Variants in DDAH1 observed in about 807,000 individuals in gnomAD.
The protein encoded by DDAH1 is dimethylarginine dimethylaminohydrolase 1, also known as N(G),N(G)-dimethylarginine dimethylaminohydrolase 1.
In DDAH1, 19 loss-of-function variants were observed where a neutral mutation model predicts 28.8. The ratio of observed to expected loss-of-function variants is 0.66; its 90% CI spans 0.46 to 0.97. The LOEUF is 0.97. Among genes scored for constraint, DDAH1 ranks in the 50% least tolerant of loss-of-function variants. The probability of loss-of-function intolerance (pLI) is 0.00; values close to 1 mark genes in which losing one functional copy is unlikely to be tolerated. For missense variants in DDAH1, 326 were observed against 375.9 expected (o/e 0.87, Z 1.10); for synonymous variants, 153 against 154.4 (o/e 0.99, Z 0.07).
intron 4 of DDAH1, among the ~76,000 whole-genome samples, chr1:85,330,465 T>C (rs1316696017): frequency 6.6e-6 from 1 of 152,190 alleles, no homozygotes; most frequent in African/African-American, 2.4e-5. Context: ...CTGTATGTAG[T>C]GTTTTTCCAA....
intron 1 of DDAH1, among the ~76,000 whole-genome samples, chr1:85,402,637 G>T (rs552249625): frequency 3.6e-4 from 55 of 152,180 alleles, no homozygotes; most frequent in Non-Finnish European, 6.9e-4. Flanking sequence ...CTGGCCGGAC[G>T]CGGTGGTTCA....
intron 1 of DDAH1, among the ~76,000 whole-genome samples, chr1:85,513,528 G>A (rs919824527): frequency 3.3e-5 from 5 of 152,190 alleles, no homozygotes; most frequent in Non-Finnish European, 2.9e-5. Flanking sequence ...AAGAGCTTCT[G>A]CACGACAAAA....
intron 1 of DDAH1, among the ~76,000 whole-genome samples, chr1:85,361,594 T>A (rs1439657312): frequency 6.6e-6 from 1 of 152,212 alleles, no homozygotes; most frequent in East Asian, 1.9e-4. Flanking sequence ...ATAAAGTATA[T>A]ACAGTAATTT....
intron 1 of DDAH1, among the ~76,000 whole-genome samples, chr1:85,524,689 C>A (rs1352376611): frequency 2.6e-5 from 4 of 152,044 alleles, no homozygotes; most frequent in African/African-American, 4.8e-5. Context: ...CACTGGGAAG[C>A]TTGCTTGTGG....
At chr1:85,458,111 A>G (rs1200613396) in intron 1 of DDAH1, among the ~76,000 whole-genome samples, 1 of 152,268 alleles carries the variant, frequency 6.6e-6, no homozygotes, top group African/African-American at 2.4e-5. Context: ...CTGCAAAAGC[A>G]GCTTAAATGA....
intron 2 of DDAH1, among the ~76,000 whole-genome samples, chr1:85,483,235 C>A (rs1656072482): frequency 6.7e-6 from 1 of 148,640 alleles, no homozygotes; most frequent in Admixed American, 6.7e-5. Context: ...AAAAAGAATT[C>A]TCTTAAAAAA....
intron 1 of DDAH1, among the ~76,000 whole-genome samples, chr1:85,515,211 G>A: frequency 6.6e-6 from 1 of 150,664 alleles, no homozygotes; most frequent in Non-Finnish European, 1.5e-5. Context: ...CCAACATGGT[G>A]AAACCTTGTC....
At chr1:85,369,532 G>A (rs1029715531) in intron 1 of DDAH1, among the ~76,000 whole-genome samples, 2 of 152,140 alleles carry the variant, frequency 1.3e-5, no homozygotes, top group Non-Finnish European at 2.9e-5. Context: ...CCGCAGGTGA[G>A]AAAACTACCG....
chr1:85,371,289 T>G (rs1650372751), intron 1 of DDAH1, among the ~76,000 whole-genome samples: 1 of 152,214 alleles, frequency 6.6e-6, no homozygotes, highest in South Asian at 2.1e-4. Context: ...TGCCACTTGC[T>G]TGTACATTTT....
At chr1:85,564,054 C>T (rs1228314822) in intron 1 of DDAH1, among the ~76,000 whole-genome samples, 1 of 152,140 alleles carries the variant, frequency 6.6e-6, no homozygotes, top group African/African-American at 2.4e-5. Context: ...CACCTGTAGT[C>T]CCAGCTACTC....
At chr1:85,391,865 T>C (rs1323112982) in intron 1 of DDAH1, among the ~76,000 whole-genome samples, 1 of 152,206 alleles carries the variant, frequency 6.6e-6, no homozygotes, top group African/African-American at 2.4e-5. Flanking sequence ...GAAAACATTA[T>C]AAACAGGCTG....
At chr1:85,406,162 A>G (rs1251828439) in intron 1 of DDAH1, among the ~76,000 whole-genome samples, 1 of 152,224 alleles carries the variant, frequency 6.6e-6, no homozygotes, top group African/African-American at 2.4e-5. Flanking sequence ...TGTCTAGAAC[A>G]TGGAGCAACC....
intron 1 of DDAH1, among the ~76,000 whole-genome samples, chr1:85,375,016 G>T (rs1277163487): frequency 6.6e-6 from 1 of 152,034 alleles, no homozygotes; most frequent in Non-Finnish European, 1.5e-5. Flanking sequence ...AATATTTAAA[G>T]AAATACTCAA....
intron 1 of DDAH1, chr1:85,404,595 A>G (rs1652318150): frequency 1.6e-6 from 2 of 1,275,284 alleles, no homozygotes; most frequent in African/African-American, 1.5e-5. Flanking sequence ...GGGAATACAG[A>G]GCATGTCTGC....
intron 1 of DDAH1, among the ~76,000 whole-genome samples, chr1:85,559,138 G>A (rs1659069994): frequency 6.6e-6 from 1 of 152,144 alleles, no homozygotes; most frequent in Non-Finnish European, 1.5e-5. Flanking sequence ...CATTTTCACA[G>A]TGAAGTCATC....
intron 1 of DDAH1, among the ~76,000 whole-genome samples, chr1:85,576,056 T>C (rs1038958975): frequency 6.9e-6 from 1 of 145,408 alleles, no homozygotes. Context: ...AAACTTAAAG[T>C]ATAATAAAAA....
chr1:85,400,185 T>C (rs1429980619), intron 1 of DDAH1, among the ~76,000 whole-genome samples: 35 of 46,690 alleles, frequency 7.5e-4, no homozygotes, highest in Admixed American at 3.5e-3. Flanking sequence ...TTCTTTTTTT[T>C]TTTTTTTTTT....
intron 3 of DDAH1, 49 bp downstream of exon 3, chr1:85,351,457 A>G: frequency 7.1e-7 from 1 of 1,417,430 alleles, no homozygotes; most frequent in Non-Finnish European, 1.0e-6. Flanking sequence ...TTCTATGATT[A>G]TTTATTAAGT....
At chr1:85,492,555 T>C (rs1656443528) in intron 2 of DDAH1, among the ~76,000 whole-genome samples, 1 of 152,186 alleles carries the variant, frequency 6.6e-6, no homozygotes, top group African/African-American at 2.4e-5. Context: ...TTTTCCTCAT[T>C]GGACCATTGA....
Sources: allele counts gnomAD v4.1 joint callset (sites outside exome capture counted in the v4.1 genomes callset), GRCh38; gene constraint gnomAD v4.1.1; transcripts MANE v1.5; gene names NCBI Gene and HGNC (gene_info 2026-07-23, HGNC 2026-07-21).